Variants in NUBPL observed in about 807,000 individuals in gnomAD.
NUBPL encodes the protein NUBP iron-sulfur cluster assembly factor, mitochondrial, also known as iron-sulfur cluster transfer protein NUBPL.
A neutral mutation model predicts 45.7 loss-of-function variants in NUBPL; 31 were observed. The ratio of observed to expected loss-of-function variants is 0.68; its 90% confidence interval spans 0.51 to 0.92. The LOEUF is 0.92. Ranked by LOEUF, NUBPL falls within the 40% of genes least tolerant of loss-of-function variation. The probability of loss-of-function intolerance (pLI) is 0.00; values close to 1 mark genes in which losing one functional copy is unlikely to be tolerated. For synonymous variants in NUBPL, 144 were observed against 140.9 expected (o/e 1.02, Z -0.15); for missense variants, 401 against 398.7 (o/e 1.01, Z -0.05).
At chr14:31,566,226 C>G (rs574326997) in intron 3 of NUBPL, among the ~76,000 whole-genome samples, 24 of 152,098 alleles carry the variant, frequency 1.6e-4, no homozygotes, top group Admixed American at 5.9e-4. Flanking sequence ...CAGAATCTGC[C>G]AGATCCTGGA....
At chr14:31,816,950 CT>C (rs1301795115) in intron 7 of NUBPL, among the ~76,000 whole-genome samples, 1 of 151,262 alleles carries the variant, frequency 6.6e-6, no homozygotes, top group African/African-American at 2.4e-5. Context: ...TTACTTCCAA[CT>C]GCTAACTAGA....
At chr14:31,768,384 C>T (rs906389817) in intron 6 of NUBPL, among the ~76,000 whole-genome samples, 3 of 152,222 alleles carry the variant, frequency 2.0e-5, no homozygotes, top group African/African-American at 7.2e-5. Context: ...TTAGAAGCTT[C>T]TGCACATCAG....
At chr14:31,649,515 A>G (rs907889820) in intron 4 of NUBPL, among the ~76,000 whole-genome samples, 1 of 152,216 alleles carries the variant, frequency 6.6e-6, no homozygotes, top group African/African-American at 2.4e-5. Context: ...ACGCAACAAG[A>G]TTTGTGAAAT....
At chr14:31,694,503 AACAT>A (rs1274547459) in intron 6 of NUBPL, among the ~76,000 whole-genome samples, 1 of 152,232 alleles carries the variant, frequency 6.6e-6, no homozygotes, top group East Asian at 1.9e-4. Context: ...ATCTTACAGC[AACAT>A]ACATACATAC....
intron 4 of NUBPL, among the ~76,000 whole-genome samples, chr14:31,666,226 A>AAGATATATATATATAT (rs2036408411): frequency 1.9e-5 from 1 of 53,518 alleles, no homozygotes; most frequent in African/African-American, 6.2e-5. Flanking sequence ...ATTTATATTT[A>AAGATATATATATATAT]AGATATATAT....
chr14:31,630,814 C>A (rs1197297413), intron 4 of NUBPL, among the ~76,000 whole-genome samples: 1 of 152,130 alleles, frequency 6.6e-6, no homozygotes, highest in Non-Finnish European at 1.5e-5. Context: ...ATAAACTGTT[C>A]TCAGCTGTGT....
At chr14:31,625,868 C>A (rs980805123) in intron 4 of NUBPL, among the ~76,000 whole-genome samples, 1 of 152,120 alleles carries the variant, frequency 6.6e-6, no homozygotes, top group African/African-American at 2.4e-5. Context: ...GAACAGAAGA[C>A]CATGGAAACA....
At chr14:31,721,767 A>C (rs2037814229) in intron 6 of NUBPL, among the ~76,000 whole-genome samples, 1 of 151,838 alleles carries the variant, frequency 6.6e-6, no homozygotes, top group East Asian at 1.9e-4. Context: ...CCCTCCCCCC[A>C]TTCTCCACCT....
At chr14:31,675,580 G>A (rs2036674739) in intron 6 of NUBPL, among the ~76,000 whole-genome samples, 1 of 152,118 alleles carries the variant, frequency 6.6e-6, no homozygotes, top group Non-Finnish European at 1.5e-5. Context: ...TTATCCCAAA[G>A]TTGAAACACC....
intron 6 of NUBPL, among the ~76,000 whole-genome samples, chr14:31,702,336 G>A (rs1242367859): frequency 6.6e-6 from 1 of 152,142 alleles, no homozygotes; most frequent in African/African-American, 2.4e-5. Context: ...GGGCATGATT[G>A]ATTGTCCATA....
chr14:31,587,188 G>A (rs866443532), intron 3 of NUBPL, among the ~76,000 whole-genome samples: 9 of 152,104 alleles, frequency 5.9e-5, no homozygotes, highest in South Asian at 2.1e-4. Context: ...CAAGTTGCCC[G>A]GGTGGTTCTG....
At chr14:31,851,745 G>T (rs1566599002) in intron 10 of NUBPL, among the ~76,000 whole-genome samples, 1 of 151,536 alleles carries the variant, frequency 6.6e-6, no homozygotes, top group African/African-American at 2.4e-5. Context: ...AAAATTGAGG[G>T]TTTTTTTTGC....
chr14:31,841,428 C>A (rs573476591), intron 8 of NUBPL, among the ~76,000 whole-genome samples: 4 of 152,180 alleles, frequency 2.6e-5, no homozygotes, highest in Admixed American at 1.3e-4. Context: ...TGAGTATCTT[C>A]TTTTGTGGAA....
intron 6 of NUBPL, among the ~76,000 whole-genome samples, chr14:31,698,459 AT>A (rs1270142242): frequency 6.6e-6 from 1 of 150,746 alleles, no homozygotes; most frequent in East Asian, 1.9e-4. Flanking sequence ...CACTGACTTT[AT>A]TTTCCCCCCA....
Position 31,846,578 on chromosome 14 carries a change from T to A in NUBPL, c.801T>A (p.Gly267=), listed in dbSNP as rs372145131. ...DGARKLAQTL[G]LEVLGDIPLH... is the part of the protein sequence containing the mutation. The stretch of plus-strand genomic sequence containing the variant: ...CAAGGAAACTAGCACAGACCCTTGG[T>A]CTTGAAGTTCTAGGTAAGACTGTGG... Residue 267 remains glycine (G), a synonymous_variant, in exon 9 of 11, where the codon GGT becomes GGA. Transcript: ENST00000281081. The A allele has an allele frequency of 1.2e-6, 2 of 1,613,630 alleles. No homozygotes were observed. The highest frequency in any genetic ancestry group is 1.7e-6 in the Non-Finnish European group (2 of 1,179,832).
intron 7 of NUBPL, among the ~76,000 whole-genome samples, chr14:31,797,495 T>C (rs1369975562): frequency 6.2e-5 from 3 of 48,324 alleles, no homozygotes; most frequent in Non-Finnish European, 9.9e-5. Context: ...GTAATGGCCT[T>C]CTTTGTCTCT....
Position 31,692,399 on chromosome 14 carries a change from T to C in NUBPL, c.513+18825T>C, listed in dbSNP as rs541600515. 3.3e-5 allele frequency among the ~76,000 whole-genome samples: 5 copies of C among 152,304 alleles called. No individual in the cohort carries two copies. The South Asian group carries it at 1.0e-3, about 32-fold the overall frequency. ...ATATTGAAAAAACCAACTTTAGTTA[T>C]TAGAAAAAAGCCACAGAAAGAAAAA... On this transcript the variant is annotated intron_variant, in intron 6 of 10. Transcript: ENST00000281081.
At chr14:31,750,178 A>T (rs1014995502) in intron 6 of NUBPL, among the ~76,000 whole-genome samples, 7 of 126,492 alleles carry the variant, frequency 5.5e-5, no homozygotes, top group African/African-American at 1.9e-4. Context: ...CATTATTATT[A>T]TTTTTTTTTT....
At chr14:31,785,873 T>C (rs1052288976) in intron 6 of NUBPL, among the ~76,000 whole-genome samples, 1 of 152,132 alleles carries the variant, frequency 6.6e-6, no homozygotes, top group African/African-American at 2.4e-5. Flanking sequence ...AAAGTATGAT[T>C]ATAGGCCAGG....
Sources: allele counts gnomAD v4.1 joint callset (sites outside exome capture counted in the v4.1 genomes callset), GRCh38; gene constraint gnomAD v4.1.1; transcripts MANE v1.5; gene names NCBI Gene and HGNC (gene_info 2026-07-23, HGNC 2026-07-21).